APTX: variants seen among roughly 807,000 people sequenced by gnomAD.
APTX encodes aprataxin.
In APTX, 33 loss-of-function variants were observed where a neutral mutation model predicts 42.3. The observed-to-expected ratio is 0.78, with a 90% CI of 0.59 to 1.04. APTX has a LOEUF of 1.04. Ranked by LOEUF, APTX falls within the 50% of genes least tolerant of loss-of-function variation. APTX has a pLI of 0.00. For missense variants in APTX, 421 were observed against 415.1 expected (o/e 1.01, Z -0.12); for synonymous variants, 130 against 146.7 (o/e 0.89, Z 0.82).
At chr9:32,976,182 A>C (rs1315622190) in intron 6 of APTX, among the ~76,000 whole-genome samples, 1 of 147,454 alleles carries the variant, frequency 6.8e-6, no homozygotes, top group Non-Finnish European at 1.5e-5. Context: ...AAACAATGAG[A>C]TCACTTGGAC....
chr9:33,019,796 C>T, intron 1 of APTX: 1 of 618,676 alleles, frequency 1.6e-6, no homozygotes, highest in Non-Finnish European at 2.8e-6. Context: ...GAGCAGGCAA[C>T]AGTCTTCAGC....
At chr9:32,973,795 A>G in intron 7 of APTX, 143 bp from the exon 8 acceptor site, 1 of 1,108,814 alleles carries the variant, frequency 9.0e-7, no homozygotes, top group African/African-American at 1.5e-5. Context: ...CTTAGTTTAG[A>G]CTTCCCTCAG....
In APTX at chr9:33,001,483, C is replaced by CAAGGGTAGGAGCA. The variant is rs1444396505; in HGVS notation, c.-5+71_-5+83dup. On this transcript the variant is annotated intron_variant, in intron 1 of 7. Coordinates refer to ENST00000379817, the MANE Select transcript of APTX (RefSeq NM_001195248.2). Reference sequence around the variant, plus strand: ...GCAGCGTCATTCAAGGCACATCACTCAAGGGTAGGAGCAGCCTCGGCCGAA... The same window carrying CAAGGGTAGGAGCA: ...GCAGCGTCATTCAAGGCACATCACTCAAGGGTAGGAGCAAAGGGTAGGAGCAGCCTCGGCCGAA... 3 of 1,604,082 alleles carry CAAGGGTAGGAGCA rather than the reference C, an allele frequency of 1.9e-6. No homozygotes were observed. The South Asian group carries it at 3.3e-5, about 18-fold the overall frequency.
intron 1 of APTX, chr9:33,016,264 CACA>C (rs1365102858): frequency 3.3e-5 from 5 of 152,140 alleles, no homozygotes; most frequent in Admixed American, 3.3e-4. Flanking sequence ...TTGTTGCTGA[CACA>C]ACATCTGAAG....
chr9:32,984,105 C>A (rs1012564516), intron 6 of APTX, among the ~76,000 whole-genome samples: 1 of 152,192 alleles, frequency 6.6e-6, no homozygotes, highest in Non-Finnish European at 1.5e-5. Context: ...CGGAGATCCA[C>A]CTTGCTTGTA....
At chr9:32,974,692 G>A (rs1646193058) in intron 6 of APTX, 131 bp from the exon 7 acceptor site, 3 of 657,588 alleles carry the variant, frequency 4.6e-6, no homozygotes, top group Non-Finnish European at 8.2e-6. Context: ...CTATTGAAGT[G>A]ATAGTGTGTC....
At chr9:32,995,188 T>C (rs1834536571) in intron 1 of APTX, among the ~76,000 whole-genome samples, 4 of 152,222 alleles carry the variant, frequency 2.6e-5, no homozygotes, top group Admixed American at 2.6e-4. Context: ...AGAAATACAT[T>C]TCATAAGGGT....
At chr9:33,015,792 A>G (rs1271942704) in intron 1 of APTX, 1 of 152,240 alleles carries the variant, frequency 6.6e-6, no homozygotes, top group Non-Finnish European at 1.5e-5. Context: ...TCATGGGCTT[A>G]TAGGACACAC....
intron 1 of APTX, among the ~76,000 whole-genome samples, chr9:33,009,591 C>T (rs1837393617): frequency 6.6e-6 from 1 of 151,980 alleles, no homozygotes; most frequent in African/African-American, 2.4e-5. Flanking sequence ...CCAGGCTGGG[C>T]AACAAAGTGA....
intron 1 of APTX, among the ~76,000 whole-genome samples, chr9:33,019,360 G>A (rs10971334): frequency 0.071 from 10,725 of 152,036 alleles, 512 homozygotes; most frequent in Non-Finnish European, 0.11. Context: ...ATAAATAAAA[G>A]TCTGGCCCCA....
chr9:32,995,654 A>C (rs561972457), intron 1 of APTX, among the ~76,000 whole-genome samples: 2 of 152,100 alleles, frequency 1.3e-5, no homozygotes, highest in Non-Finnish European at 2.9e-5. Context: ...TTGGGAGGCC[A>C]AGGCGGGCGG....
rs376773924 is a variant in APTX, at chr9:32,989,747, A to G, written c.133+12T>C. On this transcript the variant is annotated intron_variant, in intron 2 of 7. Coordinates refer to ENST00000379817, the MANE Select transcript of APTX (RefSeq NM_001195248.2). The stretch of plus-strand genomic sequence containing the variant: ...TAACCATAGTAATCTCCACATTTCT[A>G]TGACCAGTTACCTTGCTGTCGAGAA... The G allele has an allele frequency of 5.6e-6, 9 of 1,614,120 alleles. No individual in the cohort carries two copies. The highest frequency in any genetic ancestry group is 8.5e-7 in the Non-Finnish European group (1 of 1,180,042).
At chr9:32,989,715 T>C (rs1245793186) in intron 2 of APTX, 44 bp downstream of exon 2, 3 of 1,613,098 alleles carry the variant, frequency 1.9e-6, no homozygotes, top group South Asian at 1.1e-5. Flanking sequence ...GTTATCACTA[T>C]CCCACATAAC....
In APTX at chr9:33,001,342, G is replaced by A. The variant is rs552512592; in HGVS notation, c.-5+225C>T. On this transcript the variant is annotated intron_variant, in intron 1 of 7. Transcript: ENST00000379817. ...CGACCAAGGTACATACAGGTGTCGG[G>A]AGCACACGTGAACAAACGCAAAGTG... is the stretch of plus-strand genomic sequence containing the variant. The A allele has an allele frequency of 2.0e-6, 3 of 1,526,646 alleles. No homozygotes were observed. In the African/African-American group the frequency reaches 4.1e-5, roughly 21 times the overall value. 94.6% of individuals were successfully genotyped at this position (1,526,646 alleles called of 1,614,324 possible).
At chr9:32,990,823 A>G (rs914230262) in intron 1 of APTX, among the ~76,000 whole-genome samples, 1 of 152,224 alleles carries the variant, frequency 6.6e-6, no homozygotes, top group South Asian at 2.1e-4. Flanking sequence ...TTTATGTGTC[A>G]TAGGTTTTCC....
intron 1 of APTX, among the ~76,000 whole-genome samples, chr9:33,021,129 C>CAA (rs11384877): frequency 0.042 from 4,488 of 107,448 alleles, 104 homozygotes; most frequent in Non-Finnish European, 0.059. Context: ...AACTCTGTCT[C>CAA]AAAAAAAAAA....
upstream of APTX, among the ~76,000 whole-genome samples, chr9:33,005,092 G>A (rs1230521019): frequency 6.6e-6 from 1 of 152,068 alleles, no homozygotes; most frequent in Non-Finnish European, 1.5e-5. Context: ...GTCTATTCAA[G>A]TACTTCATTT....
chr9:32,973,710 C>T (rs770585807), intron 7 of APTX, 58 bp from the exon 8 acceptor site: 5 of 1,296,402 alleles, frequency 3.9e-6, no homozygotes, highest in South Asian at 1.3e-5. Flanking sequence ...ATATGAGATA[C>T]CAAAAAAAAA....
intron 1 of APTX, among the ~76,000 whole-genome samples, chr9:33,007,550 C>A (rs1362958359): frequency 6.6e-6 from 1 of 152,160 alleles, no homozygotes; most frequent in African/African-American, 2.4e-5. Flanking sequence ...CTGGACAAGA[C>A]AAAACATACT....
Sources: allele counts gnomAD v4.1 joint callset (sites outside exome capture counted in the v4.1 genomes callset), GRCh38; gene constraint gnomAD v4.1.1; transcripts MANE v1.5; gene names NCBI Gene and HGNC (gene_info 2026-07-23, HGNC 2026-07-21).